The following PUS7 variants were observed in gnomAD, a reference collection of about 807,000 sequenced individuals.
The protein encoded by PUS7 is pseudouridine synthase 7.
A neutral mutation model predicts 79.8 loss-of-function variants in PUS7; 48 were observed. That is an observed-to-expected ratio of 0.60 (90% CI 0.48 to 0.76). The LOEUF (loss-of-function observed/expected upper bound fraction) is 0.76. Among genes scored for constraint, PUS7 ranks in the 30% least tolerant of loss-of-function variants. The probability of loss-of-function intolerance (pLI) is 0.00; values close to 1 mark genes in which losing one functional copy is unlikely to be tolerated. For missense variants in PUS7, 729 were observed against 797.6 expected (o/e 0.91, Z 1.04); for synonymous variants, 286 against 272.2 (o/e 1.05, Z -0.50).
intron 15 of PUS7, among the ~76,000 whole-genome samples, chr7:105,458,756 G>A (rs1426856444): frequency 6.6e-6 from 1 of 151,498 alleles, no homozygotes; most frequent in African/African-American, 2.4e-5. Flanking sequence ...TGTATTTTTA[G>A]TAGAGACGGG....
intron 4 of PUS7, 66 bp downstream of exon 4, chr7:105,505,879 TCCATAAACAC>T: frequency 8.6e-7 from 1 of 1,156,324 alleles, no homozygotes; most frequent in Non-Finnish European, 1.3e-6. Flanking sequence ...TGTAATTTTT[TCCATAAACAC>T]TTAACATCCA....
chr7:105,472,083 A>G (rs769713619), intron 10 of PUS7, 49 bp downstream of exon 10: 1 of 1,192,700 alleles, frequency 8.4e-7, no homozygotes, highest in South Asian at 1.3e-5. Context: ...TTTCATGAAT[A>G]CCTAGCCATA....
At chr7:105,483,545 C>G (rs1350733146) in intron 7 of PUS7, among the ~76,000 whole-genome samples, 1 of 152,154 alleles carries the variant, frequency 6.6e-6, no homozygotes, top group Non-Finnish European at 1.5e-5. Context: ...GTGATCCACC[C>G]ACATTGGCCT....
chr7:105,481,145 T>C lies in PUS7; in HGVS notation c.1082A>G (p.Gln361Arg). 6.2e-7 allele frequency: 1 copy of C among 1,611,432 alleles called. No individual in the cohort carries two copies. The highest frequency in any genetic ancestry group is 8.5e-7 in the Non-Finnish European group (1 of 1,178,840). Residue 361 changes from glutamine to arginine, a missense_variant, in exon 9 of 16, where the codon CAA becomes CGA. Gln to Arg is a conservative substitution (Grantham distance 43). Coordinates refer to ENST00000469408, the MANE Select transcript of PUS7 (RefSeq NM_019042.5). The part of the protein sequence containing the change: ...NITGTDDQVQ[Q>R]AMNSLKEIGF... ...AATCTCCTTGAGAGAGTTCATAGCTTGCTGTACTTGGTCATCAGTTCCTGT... is the reference window on the plus strand; with the variant it reads ...AATCTCCTTGAGAGAGTTCATAGCTCGCTGTACTTGGTCATCAGTTCCTGT...
chr7:105,492,432 C>T (rs1824826421), intron 6 of PUS7, among the ~76,000 whole-genome samples: 2 of 151,858 alleles, frequency 1.3e-5, no homozygotes, highest in Admixed American at 1.3e-4. Context: ...TCAAGCAATT[C>T]TCCTGCTTCA....
chr7:105,467,536 G>A (rs569002677), intron 12 of PUS7, among the ~76,000 whole-genome samples: 58 of 151,676 alleles, frequency 3.8e-4, no homozygotes, highest in Admixed American at 2.0e-3. Flanking sequence ...TGATCTGCCC[G>A]CCTTGGCTCC....
At chr7:105,511,981 T>C (rs1014471221) in intron 1 of PUS7, among the ~76,000 whole-genome samples, 1 of 151,564 alleles carries the variant, frequency 6.6e-6, no homozygotes, top group Non-Finnish European at 1.5e-5. Flanking sequence ...CCATCTCTAC[T>C]AAAAATACAA....
chr7:105,463,321 T>C (rs1823510044), intron 13 of PUS7, among the ~76,000 whole-genome samples: 1 of 152,202 alleles, frequency 6.6e-6, no homozygotes, highest in African/African-American at 2.4e-5. Flanking sequence ...CTGAAATCCA[T>C]TTTCTTCTAA....
At chr7:105,473,415 ATTTTTTTT>A (rs922271999) in intron 9 of PUS7, among the ~76,000 whole-genome samples, 1 of 123,614 alleles carries the variant, frequency 8.1e-6, no homozygotes, top group African/African-American at 3.2e-5. Context: ...TGCCTGCCTA[ATTTTTTTT>A]TTTTTTTTTT....
chr7:105,488,947 G>C (rs1347462714), intron 7 of PUS7, among the ~76,000 whole-genome samples: 1 of 151,988 alleles, frequency 6.6e-6, no homozygotes, highest in Non-Finnish European at 1.5e-5. Flanking sequence ...AGGAGATCGA[G>C]ACCATCCTGG....
chr7:105,468,899 T>G (rs572905706), intron 11 of PUS7, among the ~76,000 whole-genome samples: 1 of 152,214 alleles, frequency 6.6e-6, no homozygotes, highest in African/African-American at 2.4e-5. Flanking sequence ...CTTATTTATT[T>G]ACTTTTATGT....
At chr7:105,486,244 G>C (rs1357258877) in intron 7 of PUS7, among the ~76,000 whole-genome samples, 2 of 151,436 alleles carry the variant, frequency 1.3e-5, no homozygotes, top group Non-Finnish European at 2.9e-5. Flanking sequence ...GCAGAGACGG[G>C]GTTTCACCAT....
At chr7:105,475,613 C>T (rs956836035) in intron 9 of PUS7, among the ~76,000 whole-genome samples, 10 of 152,162 alleles carry the variant, frequency 6.6e-5, no homozygotes, top group African/African-American at 2.2e-4. Flanking sequence ...TGAGCCACCA[C>T]GCCTGACCAG....
chr7:105,460,466 A>T (rs2133030253), intron 14 of PUS7, among the ~76,000 whole-genome samples: 1 of 152,320 alleles, frequency 6.6e-6, no homozygotes, highest in Non-Finnish European at 1.5e-5. Context: ...AGAGAAGGAA[A>T]TAGGGAATAA....
At chr7:105,521,802 G>A (rs62486984) in intron 1 of PUS7, among the ~76,000 whole-genome samples, 12,036 of 151,452 alleles carry the variant, frequency 0.079, 515 homozygotes, top group East Asian at 0.12. Flanking sequence ...TGGCCGGGCA[G>A]AGCGGAGCGG....
intron 14 of PUS7, among the ~76,000 whole-genome samples, chr7:105,460,585 T>C (rs1023313732): frequency 1.3e-5 from 2 of 152,062 alleles, no homozygotes; most frequent in Non-Finnish European, 2.9e-5. Context: ...CCGGGCGCGG[T>C]GGCTCACGCC....
At chr7:105,477,214 A>G (rs1362237962) in intron 9 of PUS7, among the ~76,000 whole-genome samples, 1 of 152,064 alleles carries the variant, frequency 6.6e-6, no homozygotes, top group Admixed American at 6.6e-5. Context: ...TGCAGCTCTT[A>G]TGTTTAGATC....
chr7:105,499,602 T>C (rs960561992), intron 5 of PUS7, among the ~76,000 whole-genome samples: 3 of 152,192 alleles, frequency 2.0e-5, no homozygotes, highest in Non-Finnish European at 2.9e-5. Context: ...ATGTGCCCTA[T>C]CAGACTGGCT....
chr7:105,469,807 G>A (rs1188381200), intron 11 of PUS7, among the ~76,000 whole-genome samples: 1 of 152,160 alleles, frequency 6.6e-6, no homozygotes, highest in Non-Finnish European at 1.5e-5. Context: ...TGGCCAGGTT[G>A]GTCTCGAACT....
Sources: gnomAD v4.1 joint callset for allele counts (sites outside exome capture counted in the v4.1 genomes callset) on GRCh38, gnomAD v4.1.1 for gene constraint, MANE v1.5 for transcripts, NCBI Gene and HGNC (gene_info 2026-07-23, HGNC 2026-07-21) for gene names.